Variants in F12 observed in about 807,000 individuals in gnomAD.
The protein encoded by F12 is coagulation factor XII.
Under a neutral mutation model 74.8 loss-of-function variants are expected in F12, and 70 were observed. That is an observed-to-expected ratio of 0.94 (90% CI 0.77 to 1.14). The LOEUF is 1.14. Among genes scored for constraint, F12 ranks in the 50% most tolerant of loss-of-function variants. The pLI is 0.00. For missense variants in F12, 811 were observed against 835.7 expected, an observed-to-expected ratio of 0.97 and a Z score of 0.36; for synonymous variants, 373 against 356.4, an observed-to-expected ratio of 1.05 and a Z score of -0.52.
rs1256172797 is a variant in F12 at position 177,403,356 on chromosome 5, G to C, written c.1429C>G (p.Leu477Val). The change falls in exon 12 of 14, where the codon CTC (leucine) becomes GTC (valine). Residue 477 changes from leucine (L) to valine (V), a missense_variant. Coordinates refer to ENST00000253496, the MANE Select transcript of F12 (RefSeq NM_000505.4). ...ACCGGCTGAACGTAAGGCGACAGGA[G>C]CGCGCAGCTGCCGTCCGCATCCTCC... ...LQEDADGSCA[L>V]LSPYVQPVCL... The C allele has an allele frequency of 1.3e-6, 2 of 1,598,888 alleles. No individual in the cohort carries two copies. The highest frequency in any genetic ancestry group is 1.7e-6 in the Non-Finnish European group (2 of 1,179,558).
intron 7 of F12, 61 bp from the exon 8 acceptor site, chr5:177,404,725 T>G (rs1159945398): frequency 6.2e-7 from 1 of 1,601,294 alleles, no homozygotes; most frequent in African/African-American, 1.3e-5. Context: ...CCCTCTCATC[T>G]GCTTTCCGCA....
At chr5:177,403,174 C>T in intron 12 of F12, 80 bp downstream of exon 12, 5 of 1,580,472 alleles carry the variant, frequency 3.2e-6, no homozygotes, top group Non-Finnish European at 4.3e-6. Flanking sequence ...CGGAACGATA[C>T]CAAAGTCGCG....
chr5:177,406,305 A>C (rs4976692), intron 2 of F12, among the ~76,000 whole-genome samples: 1 of 151,762 alleles, frequency 6.6e-6, no homozygotes, highest in Non-Finnish European at 1.5e-5. Flanking sequence ...TGGCTAATAC[A>C]GTGAAACCCC....
chr5:177,403,772 G>C, intron 10 of F12, 87 bp downstream of exon 10: 1 of 1,455,384 alleles, frequency 6.9e-7, no homozygotes, highest in Non-Finnish European at 9.1e-7. Context: ...AGAAGGTAGG[G>C]CACGGGTTCG....
At chr5:177,404,982 C>A in intron 6 of F12, 68 bp from the exon 7 acceptor site, 1 of 1,590,228 alleles carries the variant, frequency 6.3e-7, no homozygotes. Context: ...TCCTTCCTGG[C>A]ACACCACCCG....
rs936518985 is a variant in F12, at chr5:177,404,432, G to A, written c.801-19C>T. The A allele has an allele frequency of 1.2e-6, 2 of 1,608,750 alleles. No homozygotes were observed. Among genetic ancestry groups the A allele is most frequent in the Non-Finnish European group, 1.7e-6 (2 of 1,178,250 alleles). ...CGGGTTCCTGTAGCCACACGACGGG[G>A]CGCCGTTAGAGCGCCGGGAGCCCGG... On this transcript the variant is annotated intron_variant, in intron 8 of 13. Coordinates refer to ENST00000253496, the MANE Select transcript of F12 (RefSeq NM_000505.4).
intron 4 of F12, 43 bp from the exon 5 acceptor site, chr5:177,405,476 C>A: frequency 1.3e-6 from 2 of 1,569,594 alleles, no homozygotes; most frequent in South Asian, 2.3e-5. Flanking sequence ...GGAGCTGAGT[C>A]ACACAGCTGG....
In F12 at chr5:177,402,179, T is replaced by A. The variant is rs1376411475; in HGVS notation, c.*113A>T. 4 of 1,353,378 alleles carry A rather than the reference T, an allele frequency of 3.0e-6. No homozygotes were observed. The highest frequency in any genetic ancestry group is 4.1e-6 in the Non-Finnish European group (4 of 970,624). 83.8% of individuals were successfully genotyped at this position (1,353,378 alleles called of 1,614,324 possible). On this transcript the variant is annotated 3_prime_UTR_variant, in exon 14 of 14. Coordinates refer to ENST00000253496, the MANE Select transcript of F12 (RefSeq NM_000505.4). ...AGCACTTTATTGAGTTCCTGCGCCATCCTGGCGCGGAGCTGGCCGCACTGG... is the reference window on the plus strand; with the variant it reads ...AGCACTTTATTGAGTTCCTGCGCCAACCTGGCGCGGAGCTGGCCGCACTGG...
Position 177,402,655 on chromosome 5 carries a change from C to CG in F12, c.1574dup (p.Phe526ValfsTer37). ...CTGAGCAGCGCTCCAGGGAGAGGAACGGTACCTGCGCCTCCTGCAGGAAGC... is the reference window on the plus strand; with the variant it reads ...CTGAGCAGCGCTCCAGGGAGAGGAACGGGTACCTGCGCCTCCTGCAGGAAGC... On this transcript the variant is annotated frameshift_variant, in exon 13 of 14. Coordinates refer to ENST00000253496, the MANE Select transcript of F12 (RefSeq NM_000505.4). LOFTEE classifies it high-confidence loss of function. 1 of 1,612,782 alleles carries CG rather than the reference C, an allele frequency of 6.2e-7. No individual in the cohort carries two copies. Among genetic ancestry groups the CG allele is most frequent in the Non-Finnish European group, 8.5e-7 (1 of 1,180,022 alleles).
chr5:177,406,414 G>A (rs4976649), intron 2 of F12, among the ~76,000 whole-genome samples: 58,086 of 151,940 alleles, frequency 0.38, 13,871 homozygotes, highest in Non-Finnish European at 0.53. Context: ...GTGTGAACCC[G>A]GGAGGCGGAG....
rs1220078608 is a variant in F12 at position 177,402,658 on chromosome 5, T to G, written c.1572A>C (p.Val524=). ...AGCAGCGCTCCAGGGAGAGGAACGG[T>G]ACCTGCGCCTCCTGCAGGAAGCTGG... ...EYASFLQEAQ[V]PFLSLERCSA... The change falls in exon 13 of 14, where the codon GTA becomes GTC. Residue 524 remains valine, a synonymous_variant. Coordinates refer to ENST00000253496, the MANE Select transcript of F12 (RefSeq NM_000505.4). 5 of 1,612,642 alleles carry G rather than the reference T, an allele frequency of 3.1e-6. No individual in the cohort carries two copies. The South Asian group carries it at 4.4e-5, about 14-fold the overall frequency.
At chr5:177,403,695 C>A in intron 10 of F12, 78 bp from the exon 11 acceptor site, 1 of 1,555,938 alleles carries the variant, frequency 6.4e-7, no homozygotes, top group Non-Finnish European at 8.7e-7. Flanking sequence ...GCTCCCGAAC[C>A]CCAATCCCGT....
At chr5:177,405,667 GTGATACCAGGAGAGTAA>G in intron 4 of F12, 51 bp downstream of exon 4, 1 of 1,490,768 alleles carries the variant, frequency 6.7e-7, no homozygotes, top group South Asian at 1.1e-5. Context: ...GTGGGGTCTG[GTGATACCAGGAGAGTAA>G]TGAGGCGGGA....
chr5:177,409,307 G>C (rs1429428006), intron 1 of F12, among the ~76,000 whole-genome samples, 164 bp downstream of exon 1: 1 of 152,036 alleles, frequency 6.6e-6, no homozygotes, highest in East Asian at 1.9e-4. Flanking sequence ...ACCCAGTCTG[G>C]TTGTCTGTCT....
At position 177,402,265 on chromosome 5, in the gene F12, A is replaced by G; in HGVS notation, c.*27T>C. On this transcript the variant is annotated 3_prime_UTR_variant, in exon 14 of 14. Coordinates refer to ENST00000253496, the MANE Select transcript of F12 (RefSeq NM_000505.4). The stretch of plus-strand genomic sequence containing the variant: ...CCACTCTCTCACTGCGGAATCACCA[A>G]GGAGGGAAAGATGAGTCCCTGAGCA... 1 of 1,612,620 alleles carries G rather than the reference A, an allele frequency of 6.2e-7. No homozygotes were observed.
chr5:177,405,298 G>A (rs373624367), intron 5 of F12, 25 bp downstream of exon 5: 120 of 1,613,378 alleles, frequency 7.4e-5, no homozygotes, highest in Admixed American at 2.8e-4. Flanking sequence ...CCAGCACCCC[G>A]CCCAGGTCCT....
Position 177,402,234 on chromosome 5 carries a change from C to G in F12, c.*58G>C. 6.2e-7 allele frequency: 1 copy of G among 1,600,696 alleles called. No individual in the cohort carries two copies. Among genetic ancestry groups the G allele is most frequent in the Non-Finnish European group, 8.5e-7 (1 of 1,173,544 alleles). On this transcript the variant is annotated 3_prime_UTR_variant, in exon 14 of 14. Transcript: ENST00000253496. The stretch of plus-strand genomic sequence containing the variant: ...ATGGGACACAATCTTGCCTTCCATG[C>G]CCCAGCCACTCTCTCACTGCGGAAT...
At chr5:177,409,290 T>G (rs1045969975) in intron 1 of F12, among the ~76,000 whole-genome samples, 181 bp downstream of exon 1, 1 of 152,056 alleles carries the variant, frequency 6.6e-6, no homozygotes, top group African/African-American at 2.4e-5. Flanking sequence ...GCTGTGCCCT[T>G]GTATCCACCC....
intron 2 of F12, among the ~76,000 whole-genome samples, chr5:177,407,784 CAA>C (rs112040010): frequency 1.5e-5 from 2 of 137,822 alleles, no homozygotes. Flanking sequence ...GACTCCATCT[CAA>C]AAAAAAAAAA....
Sources: gnomAD v4.1 joint callset for allele counts (sites outside exome capture counted in the v4.1 genomes callset) on GRCh38, gnomAD v4.1.1 for gene constraint, MANE v1.5 for transcripts, NCBI Gene and HGNC (gene_info 2026-07-23, HGNC 2026-07-21) for gene names.